XYLT1: variants seen among roughly 807,000 people sequenced by gnomAD.
The protein encoded by XYLT1 is xylosyltransferase 1.
XYLT1 carries 36 observed loss-of-function variants against 91.3 expected under a neutral mutation model. That is an observed-to-expected ratio of 0.39 (90% CI 0.30 to 0.52). The LOEUF is 0.52. Among genes scored for constraint, XYLT1 ranks in the 20% least tolerant of loss-of-function variants. The pLI is 0.68. For synonymous variants in XYLT1, 588 were observed against 532.0 expected (o/e 1.11, Z -1.45); for missense variants, 1,242 against 1,284.5 (o/e 0.97, Z 0.51).
intron 1 of XYLT1, among the ~76,000 whole-genome samples, chr16:17,463,227 C>G (rs544568598): frequency 6.6e-6 from 1 of 152,030 alleles, no homozygotes; most frequent in African/African-American, 2.4e-5. Context: ...AATAGACAAA[C>G]GGGATCACAT....
chr16:17,328,548 C>CAAAAAA (rs71373105), intron 2 of XYLT1, among the ~76,000 whole-genome samples: 831 of 51,000 alleles, frequency 0.016, 79 homozygotes, highest in Non-Finnish European at 0.023. Flanking sequence ...GACTCCTTCT[C>CAAAAAA]AAAAAAAAAA....
Position 17,108,400 on chromosome 16 carries a change from G to T in XYLT1, c.*295C>A. 2.8e-6 allele frequency: 1 copy of T among 354,152 alleles called. No homozygotes were observed. Among genetic ancestry groups the T allele is most frequent in the Non-Finnish European group, 5.1e-6 (1 of 197,236 alleles). The allele number at this position is 354,152 out of a possible 1,614,324, so 21.9% of individuals were successfully genotyped here. ...TCTGAAAATCACACGTCTGGGGTCA[G>T]GGGTGGGTCACTGGAAGGGGAAGAC... On this transcript the variant is annotated 3_prime_UTR_variant, in exon 12 of 12. Transcript: ENST00000261381.
chr16:17,214,686 C>T (rs150170232), intron 3 of XYLT1, among the ~76,000 whole-genome samples: 1 of 152,200 alleles, frequency 6.6e-6, no homozygotes, highest in Non-Finnish European at 1.5e-5. Context: ...TTATGAGAAG[C>T]AGCCTCTCCT....
At chr16:17,303,111 C>T (rs1222358935) in intron 2 of XYLT1, among the ~76,000 whole-genome samples, 1 of 152,148 alleles carries the variant, frequency 6.6e-6, no homozygotes, top group African/African-American at 2.4e-5. Context: ...TTCATTCATT[C>T]AAGAACTACC....
intron 5 of XYLT1, among the ~76,000 whole-genome samples, chr16:17,173,717 G>A (rs370596179): frequency 3.2e-4 from 48 of 152,376 alleles, no homozygotes; most frequent in African/African-American, 1.1e-3. Context: ...GCCTAACTGA[G>A]TGACAGCTTG....
At chr16:17,284,330 T>G (rs544318238) in intron 2 of XYLT1, among the ~76,000 whole-genome samples, 1 of 152,184 alleles carries the variant, frequency 6.6e-6, no homozygotes, top group Non-Finnish European at 1.5e-5. Flanking sequence ...CTAGGCAACA[T>G]ACATTGTGCT....
intron 2 of XYLT1, among the ~76,000 whole-genome samples, chr16:17,320,758 G>C (rs555610092): frequency 6.1e-4 from 84 of 138,350 alleles, no homozygotes; most frequent in South Asian, 1.6e-3. Flanking sequence ...GGGATTACAG[G>C]TATGAGCCAC....
At chr16:17,184,528 C>A (rs866610962) in intron 5 of XYLT1, among the ~76,000 whole-genome samples, 1 of 107,310 alleles carries the variant, frequency 9.3e-6, no homozygotes, top group South Asian at 3.9e-4. Context: ...GGTTCATGAG[C>A]GCACAGTTTT....
intron 3 of XYLT1, among the ~76,000 whole-genome samples, chr16:17,225,192 A>G (rs867823611): frequency 1.1e-4 from 11 of 104,034 alleles, no homozygotes; most frequent in African/African-American, 4.2e-4. Context: ...CTCTCTCTCT[A>G]TTTATAATTG....
chr16:17,452,184 G>A (rs1488326062), intron 1 of XYLT1, among the ~76,000 whole-genome samples: 1 of 152,042 alleles, frequency 6.6e-6, no homozygotes, highest in Non-Finnish European at 1.5e-5. Flanking sequence ...TTGTATGGTT[G>A]GGTCATTAAA....
chr16:17,185,095 C>T (rs1189979734), intron 5 of XYLT1, among the ~76,000 whole-genome samples: 3 of 152,058 alleles, frequency 2.0e-5, no homozygotes, highest in African/African-American at 7.2e-5. Context: ...TTTGTCCAGC[C>T]GATGGTCTAG....
intron 3 of XYLT1, among the ~76,000 whole-genome samples, chr16:17,223,637 A>T (rs2033012436): frequency 6.6e-6 from 1 of 152,222 alleles, no homozygotes; most frequent in Admixed American, 6.5e-5. Context: ...GTGGAGTCAG[A>T]TGGAAAGGGC....
intron 3 of XYLT1, among the ~76,000 whole-genome samples, chr16:17,229,301 G>T (rs1476322073): frequency 6.6e-6 from 1 of 152,204 alleles, no homozygotes; most frequent in Admixed American, 6.5e-5. Context: ...GTCCATGTGA[G>T]GGCTGGTTTG....
At position 17,338,019 on chromosome 16, in the gene XYLT1, C is replaced by T. The variant is rs180877644; in HGVS notation, c.402+19993G>A. The T allele has an allele frequency of 1.5e-3, 542 of 360,278 alleles. 5 individuals are homozygous for T. The highest frequency in any genetic ancestry group is 1.8e-3 in the Middle Eastern group (2 of 1,090). 22.3% of individuals were successfully genotyped at this position (360,278 alleles called of 1,614,324 possible). A position where few individuals can be genotyped will look rare whatever the true frequency, so the allele number is the denominator to read the frequency against. ...CTTGAACTCCTGACCTCACCCACCT[C>T]GGCCTCCCAAAGTGCTGGGATTATA... On this transcript the variant is annotated intron_variant, in intron 2 of 11. Transcript: ENST00000261381.
intron 7 of XYLT1, among the ~76,000 whole-genome samples, chr16:17,139,401 C>T (rs537378009): frequency 1.3e-5 from 2 of 152,110 alleles, no homozygotes; most frequent in Non-Finnish European, 2.9e-5. Context: ...AACAGAGACC[C>T]TGGAGTATAT....
At chr16:17,138,997 G>C (rs191322955) in intron 7 of XYLT1, among the ~76,000 whole-genome samples, 1 of 152,182 alleles carries the variant, frequency 6.6e-6, no homozygotes, top group Admixed American at 6.5e-5. Context: ...ATCGCCAGAC[G>C]GCAACATAGG....
At chr16:17,285,403 G>C (rs2034119781) in intron 2 of XYLT1, among the ~76,000 whole-genome samples, 1 of 152,166 alleles carries the variant, frequency 6.6e-6, no homozygotes, top group African/African-American at 2.4e-5. Context: ...TGCTCTCAGG[G>C]GATCTCCAGC....
At chr16:17,454,061 T>C (rs144368819) in intron 1 of XYLT1, among the ~76,000 whole-genome samples, 1 of 152,292 alleles carries the variant, frequency 6.6e-6, no homozygotes, top group East Asian at 1.9e-4. Context: ...TTTGAAAGTA[T>C]TACTGTGCTT....
At chr16:17,134,327 A>T in intron 9 of XYLT1, 146 bp downstream of exon 9, 1 of 1,068,776 alleles carries the variant, frequency 9.4e-7, no homozygotes, top group South Asian at 1.6e-5. Flanking sequence ...GGGTGGCGTT[A>T]GATGAGTTTT....
Sources: allele counts gnomAD v4.1 joint callset (sites outside exome capture counted in the v4.1 genomes callset), GRCh38; gene constraint gnomAD v4.1.1; transcripts MANE v1.5; gene names NCBI Gene and HGNC (gene_info 2026-07-23, HGNC 2026-07-21).